Variants in PDE10A observed in about 807,000 individuals in gnomAD.
PDE10A encodes phosphodiesterase 10A, also known as cAMP and cAMP-inhibited cGMP 3',5'-cyclic phosphodiesterase 10A.
A neutral mutation model predicts 97.7 loss-of-function variants in PDE10A; 39 were observed. The observed-to-expected ratio is 0.40, with a 90% CI of 0.31 to 0.52. The LOEUF (loss-of-function observed/expected upper bound fraction) is 0.52, where lower values mean the gene tolerates loss of function less well. PDE10A is among the 20% of genes least tolerant of loss of function. The pLI is 0.56. For synonymous variants in PDE10A, 371 were observed against 376.8 expected, an observed-to-expected ratio of 0.98 and a Z score of 0.18; for missense variants, 731 against 1,047.8, an observed-to-expected ratio of 0.70 and a Z score of 4.17.
chr6:165,689,765 G>A (rs534778943), intron 1 of PDE10A, among the ~76,000 whole-genome samples: 23 of 152,234 alleles, frequency 1.5e-4, no homozygotes, highest in African/African-American at 4.6e-4. Context: ...TTACCCAGTC[G>A]TGGGTATTCC....
chr6:165,805,231 C>T (rs918300167), intron 1 of PDE10A, among the ~76,000 whole-genome samples: 1 of 151,980 alleles, frequency 6.6e-6, no homozygotes, highest in Non-Finnish European at 1.5e-5. Flanking sequence ...CCACTGTGCG[C>T]CCTGGACGAA....
intron 1 of PDE10A, among the ~76,000 whole-genome samples, chr6:165,783,593 C>CAA (rs1554321151): frequency 0.02 from 3,096 of 152,002 alleles, 127 homozygotes; most frequent in East Asian, 0.15. Flanking sequence ...GGAAACGAGT[C>CAA]ACATAGAATG....
chr6:165,705,987 T>C (rs931533217), intron 1 of PDE10A, among the ~76,000 whole-genome samples: 1 of 152,122 alleles, frequency 6.6e-6, no homozygotes, highest in African/African-American at 2.4e-5. Flanking sequence ...ATCCAACAAC[T>C]TGGGGGAAAA....
At chr6:165,820,608 T>G (rs1417318020) in intron 1 of PDE10A, among the ~76,000 whole-genome samples, 2 of 152,226 alleles carry the variant, frequency 1.3e-5, no homozygotes, top group Admixed American at 1.3e-4. Context: ...CCCCAGCGTC[T>G]GGTCCTCCTG....
At chr6:165,557,426 T>C (rs1437765324) in intron 1 of PDE10A, among the ~76,000 whole-genome samples, 1 of 152,174 alleles carries the variant, frequency 6.6e-6, no homozygotes, top group East Asian at 1.9e-4. Context: ...TAGTAAAATA[T>C]TGTTTAAAAT....
At chr6:165,967,699 T>A (rs1784552734) in intron 1 of PDE10A, among the ~76,000 whole-genome samples, 1 of 152,204 alleles carries the variant, frequency 6.6e-6, no homozygotes, top group Non-Finnish European at 1.5e-5. Context: ...GTAATACACA[T>A]CTGTCTTTTA....
At chr6:165,570,148 C>T (rs556932829) in intron 1 of PDE10A, among the ~76,000 whole-genome samples, 1 of 152,180 alleles carries the variant, frequency 6.6e-6, no homozygotes, top group South Asian at 2.1e-4. Context: ...GACCTTAATC[C>T]AATATGACTA....
At chr6:165,883,882 T>C (rs147663009) in intron 1 of PDE10A, among the ~76,000 whole-genome samples, 54 of 152,258 alleles carry the variant, frequency 3.5e-4, no homozygotes, top group African/African-American at 1.2e-3. Flanking sequence ...CTTTGCTCAA[T>C]AAGCTCAAAT....
chr6:165,545,041 C>A, intron 1 of PDE10A: 1 of 406,154 alleles, frequency 2.5e-6, no homozygotes. Flanking sequence ...GTGCAGGATA[C>A]TACAGTAAGC....
Position 165,688,301 on chromosome 6 carries a change from C to A in PDE10A, c.-614-144733G>T, listed in dbSNP as rs192347730. ...AGTCAAGAGATGATTGGTTTACATG[C>A]CTTTCAGACCAAGTCAAGAGAGCAA... On this transcript the variant is annotated intron_variant, in intron 1 of 19. Transcript: ENST00000366882. Among the ~76,000 whole-genome samples the A allele has an allele frequency of 2.4e-4, 37 of 152,234 alleles. No homozygotes were observed. The East Asian group carries it at 7.1e-3, about 29-fold the overall frequency.
chr6:165,641,055 A>G (rs565144856), intron 1 of PDE10A, among the ~76,000 whole-genome samples: 2 of 152,326 alleles, frequency 1.3e-5, no homozygotes, highest in African/African-American at 4.8e-5. Flanking sequence ...AGGCAAGCTG[A>G]TCACAGCAAC....
intron 1 of PDE10A, among the ~76,000 whole-genome samples, chr6:165,560,504 G>A (rs1784467208): frequency 6.6e-6 from 1 of 152,234 alleles, no homozygotes; most frequent in South Asian, 2.1e-4. Flanking sequence ...CTACAGAACT[G>A]TGAGCCAGTA....
intron 13 of PDE10A, 33 bp from the exon 14 acceptor site, chr6:165,396,492 A>C: frequency 6.4e-7 from 1 of 1,572,386 alleles, no homozygotes. Context: ...AAACCCCCAA[A>C]ATTAAAAGAA....
At chr6:165,651,417 T>C (rs143554044) in intron 1 of PDE10A, among the ~76,000 whole-genome samples, 14 of 152,224 alleles carry the variant, frequency 9.2e-5, no homozygotes, top group East Asian at 1.9e-4. Context: ...AGGTTAGCAC[T>C]ATGCTGTGAT....
At chr6:165,725,825 G>C (rs75709714) in intron 1 of PDE10A, among the ~76,000 whole-genome samples, 3,029 of 152,132 alleles carry the variant, frequency 0.02, 101 homozygotes, top group African/African-American at 0.07. Context: ...AGCACAAGAC[G>C]TATCCAACTT....
chr6:165,591,295 TTC>T (rs1457543057), intron 1 of PDE10A, among the ~76,000 whole-genome samples: 1 of 152,246 alleles, frequency 6.6e-6, no homozygotes, highest in African/African-American at 2.4e-5. Context: ...TTTAAGAATT[TTC>T]TCTGACAAGT....
chr6:165,519,843 T>C (rs1286961900), intron 2 of PDE10A, among the ~76,000 whole-genome samples: 1 of 152,178 alleles, frequency 6.6e-6, no homozygotes, highest in Non-Finnish European at 1.5e-5. Context: ...TTCTTTTTAA[T>C]ATTCTCACCA....
intron 3 of PDE10A, among the ~76,000 whole-genome samples, chr6:165,472,752 C>A (rs957746167): frequency 6.6e-6 from 1 of 152,074 alleles, no homozygotes; most frequent in African/African-American, 2.4e-5. Flanking sequence ...GAGATGCATT[C>A]TGGTAAAAGG....
chr6:165,456,019 C>G (rs182914694), intron 3 of PDE10A, among the ~76,000 whole-genome samples: 2 of 152,144 alleles, frequency 1.3e-5, no homozygotes, highest in African/African-American at 4.8e-5. Context: ...GTCACCAAAA[C>G]TTAGGTTATT....
Sources: allele counts gnomAD v4.1 joint callset (sites outside exome capture counted in the v4.1 genomes callset), GRCh38; gene constraint gnomAD v4.1.1; transcripts MANE v1.5; gene names NCBI Gene and HGNC (gene_info 2026-07-23, HGNC 2026-07-21).